The following FANCA variants were observed in gnomAD, a reference collection of about 807,000 sequenced individuals.
FANCA encodes Fanconi anemia group A protein.
Under a neutral mutation model 194.3 loss-of-function variants are expected in FANCA, and 236 were observed. The ratio of observed to expected loss-of-function variants is 1.21; its 90% CI spans 1.09 to 1.35. The LOEUF (loss-of-function observed/expected upper bound fraction) is 1.35. Among genes scored for constraint, FANCA ranks in the 40% most tolerant of loss-of-function variants. The pLI, the probability that FANCA is intolerant of heterozygous loss-of-function variation, is 0.00. For synonymous variants in FANCA, 1,014 were observed against 715.8 expected, an observed-to-expected ratio of 1.42 and a Z score of -6.65; for missense variants, 2,628 against 1,813.9, an observed-to-expected ratio of 1.45 and a Z score of -8.15.
At chr16:89,759,547 G>A (rs990634865) in intron 29 of FANCA, among the ~76,000 whole-genome samples, 8 of 151,852 alleles carry the variant, frequency 5.3e-5, no homozygotes, top group African/African-American at 1.5e-4. Context: ...GATCACTTGA[G>A]CCCAGGAGTC....
intron 37 of FANCA, 26 bp from the exon 38 acceptor site, chr16:89,740,892 A>C: frequency 6.3e-7 from 1 of 1,589,012 alleles, no homozygotes; most frequent in East Asian, 2.3e-5. Flanking sequence ...TGCACTTATT[A>C]TTACATTAAA....
chr16:89,800,643 C>G (rs1489316477), intron 8 of FANCA, among the ~76,000 whole-genome samples: 1 of 152,218 alleles, frequency 6.6e-6, no homozygotes, highest in African/African-American at 2.4e-5. Context: ...AGAAATCACA[C>G]TGCCTGAGGT....
At chr16:89,796,072 C>A (rs2040237156) in intron 10 of FANCA, 54 bp from the exon 11 acceptor site, 1 of 1,321,854 alleles carries the variant, frequency 7.6e-7, no homozygotes, top group South Asian at 1.2e-5. Context: ...TTGCACGCCA[C>A]CCACCAATCC....
rs397693835 is a variant in FANCA, at chr16:89,778,627, T to TAAA, written c.1826+171_1826+173dup. On this transcript the variant is annotated intron_variant, in intron 20 of 42. Transcript: ENST00000389301. ...CTGGGTGACAGAGTGAGACTCCAAC[T>TAAA]AAAAAAAAAAAAAAAAAAAAAAAAA... 0.044 allele frequency among the ~76,000 whole-genome samples: 1,323 copies of TAAA among 29,936 alleles called. 245 individuals carry two copies. Among genetic ancestry groups the TAAA allele is most frequent in the Non-Finnish European group, 0.056 (978 of 17,386 alleles). 19.6% of individuals were successfully genotyped at this position (29,936 alleles called of 152,430 possible).
intron 29 of FANCA, among the ~76,000 whole-genome samples, chr16:89,761,322 G>C (rs2038944042): frequency 6.6e-6 from 1 of 151,404 alleles, no homozygotes; most frequent in Non-Finnish European, 1.5e-5. Context: ...GGGAGGCTGA[G>C]CCAGGAGAAT....
intron 6 of FANCA, 73 bp from the exon 7 acceptor site, chr16:89,805,465 G>T: frequency 2.4e-6 from 3 of 1,261,210 alleles, no homozygotes; most frequent in Non-Finnish European, 3.4e-6. Context: ...TGAGCCATAT[G>T]TCCCAATTTT....
At chr16:89,772,167 G>C (rs145731638) in intron 22 of FANCA, among the ~76,000 whole-genome samples, 1 of 152,330 alleles carries the variant, frequency 6.6e-6, no homozygotes, top group Non-Finnish European at 1.5e-5. Flanking sequence ...TGTTGGCCCA[G>C]GGAAATGGGC....
rs1292477431 is a variant in FANCA at position 89,738,341 on chromosome 16, G to C, written c.*260C>G. The C allele has an allele frequency of 2.0e-6, 3 of 1,494,652 alleles. No individual in the cohort carries two copies. Among genetic ancestry groups the C allele is most frequent in the East Asian group, 4.9e-5 (2 of 40,558 alleles). The allele number at this position is 1,494,652 out of a possible 1,614,324, so 92.6% of individuals were successfully genotyped here. On this transcript the variant is annotated 3_prime_UTR_variant, in exon 43 of 43. Transcript: ENST00000389301. ...TGTGCACCCGCATGGGAGGGTCGGA[G>C]GGTGCTGCCCGCCCTTGGTGCTGGA...
At chr16:89,795,324 A>AAATAAAT (rs1487340345) in intron 11 of FANCA, among the ~76,000 whole-genome samples, 59 of 148,532 alleles carry the variant, frequency 4.0e-4, no homozygotes, top group African/African-American at 1.5e-3. Context: ...ATAAATAAAT[A>AAATAAAT]AAATAAAGAT....
At chr16:89,787,426 G>A (rs535595701) in intron 14 of FANCA, among the ~76,000 whole-genome samples, 9 of 152,206 alleles carry the variant, frequency 5.9e-5, no homozygotes, top group African/African-American at 2.2e-4. Context: ...AGGAGGCTGT[G>A]GCAGGAGAAT....
intron 28 of FANCA, among the ~76,000 whole-genome samples, chr16:89,764,059 T>C (rs780034715): frequency 8.6e-5 from 13 of 151,606 alleles, no homozygotes; most frequent in Non-Finnish European, 1.5e-4. Flanking sequence ...CTGGACAACA[T>C]GGTGAAACCC....
chr16:89,796,196 G>A lies in FANCA; in HGVS notation c.894-178C>T, dbSNP rs573436085. ...GAATCCAAGGAGGTGGCAGTTCAAC[G>A]AGAAAGGGGGCAAGGCAACGGCGAA... On this transcript the variant is annotated intron_variant, in intron 10 of 42. Transcript: ENST00000389301. Among the ~76,000 whole-genome samples, 15 of 152,306 alleles carry A rather than the reference G, an allele frequency of 9.8e-5. No individual in the cohort carries two copies. The South Asian group carries it at 1.2e-3, about 13-fold the overall frequency.
intron 22 of FANCA, 23 bp from the exon 23 acceptor site, chr16:89,771,837 G>A (rs990697941): frequency 6.2e-7 from 1 of 1,613,072 alleles, no homozygotes; most frequent in African/African-American, 1.3e-5. Context: ...AAACTAGTTA[G>A]GGATGACAAG....
chr16:89,767,467 A>T (rs1270559998), intron 26 of FANCA, among the ~76,000 whole-genome samples: 1 of 152,072 alleles, frequency 6.6e-6, no homozygotes, highest in Non-Finnish European at 1.5e-5. Context: ...TCCCGGGTTC[A>T]AGCGAGTCTC....
chr16:89,763,228 C>G (rs2039012193), intron 28 of FANCA, among the ~76,000 whole-genome samples: 1 of 149,706 alleles, frequency 6.7e-6, no homozygotes, highest in Non-Finnish European at 1.5e-5. Flanking sequence ...GCCTGGGCAA[C>G]AGAGGAAGAT....
intron 39 of FANCA, chr16:89,739,764 G>A (rs1303179331): frequency 1.0e-5 from 15 of 1,476,854 alleles, no homozygotes; most frequent in East Asian, 7.4e-5. Flanking sequence ...TGGGTGTGGT[G>A]CAGAGAGAGG....
chr16:89,763,767 T>C (rs1415405628), intron 28 of FANCA, among the ~76,000 whole-genome samples: 1 of 151,652 alleles, frequency 6.6e-6, no homozygotes, highest in Non-Finnish European at 1.5e-5. Flanking sequence ...ACCCCATCTC[T>C]ACTAAAAATA....
intron 15 of FANCA, 24 bp from the exon 16 acceptor site, chr16:89,783,126 G>T: frequency 6.4e-7 from 1 of 1,574,516 alleles, no homozygotes; most frequent in Non-Finnish European, 8.7e-7. Context: ...GCAGAGCGCA[G>T]CACCGTTAGT....
At position 89,765,150 on chromosome 16, in the gene FANCA, C is replaced by T. The variant is rs12600151; in HGVS notation, c.2602-84G>A. The T allele has an allele frequency of 0.078, 115,186 of 1,470,580 alleles. 5,317 individuals are homozygous for T. Among genetic ancestry groups the T allele is most frequent in the East Asian group, 0.17 (7,132 of 42,626 alleles). The allele number at this position is 1,470,580 out of a possible 1,614,324, so 91.1% of individuals were successfully genotyped here. ...GAGCAAATGCTCAGGTGGAAACAGA[C>T]CATCAACAGCCCACACACACAACCC... On this transcript the variant is annotated intron_variant, in intron 27 of 42. Coordinates refer to ENST00000389301, the MANE Select transcript of FANCA (RefSeq NM_000135.4).
Sources: gnomAD v4.1 joint callset for allele counts (sites outside exome capture counted in the v4.1 genomes callset) on GRCh38, gnomAD v4.1.1 for gene constraint, MANE v1.5 for transcripts, NCBI Gene and HGNC (gene_info 2026-07-23, HGNC 2026-07-21) for gene names.